Variants in CD8B2 observed in about 807,000 individuals in gnomAD.
CD8B2 encodes the protein CD8B family member 2, also known as T-cell surface glycoprotein CD8 beta-2 chain.
CD8B2 carries 11 observed loss-of-function variants against 23.7 expected under a neutral mutation model. The ratio of observed to expected loss-of-function variants is 0.46; its 90% CI spans 0.29 to 0.77. The LOEUF is 0.77. CD8B2 is among the 30% of genes least tolerant of loss of function. The pLI is 0.09. For synonymous variants in CD8B2, 90 were observed against 109.3 expected (o/e 0.82, Z 1.10); for missense variants, 197 against 270.5 (o/e 0.73, Z 1.91).
intron 5 of CD8B2, among the ~76,000 whole-genome samples, chr2:106,530,539 A>C (rs1000851816): frequency 6.6e-6 from 1 of 152,086 alleles, no homozygotes; most frequent in Non-Finnish European, 1.5e-5. Context: ...CTACCACGCC[A>C]GGCTAATTTT....
At position 106,508,609 on chromosome 2, in the gene CD8B2, G is replaced by A. The variant is rs1460089477; in HGVS notation, c.*1669G>A. 1 of 152,222 alleles carries A rather than the reference G, an allele frequency of 6.6e-6. No homozygotes were observed. Among genetic ancestry groups the A allele is most frequent in the Non-Finnish European group, 1.5e-5 (1 of 68,034 alleles). 9.4% of individuals were successfully genotyped at this position (152,222 alleles called of 1,614,324 possible). A position where few individuals can be genotyped will look rare whatever the true frequency, so the allele number is the denominator to read the frequency against. The stretch of plus-strand genomic sequence containing the variant: ...TGAGAAAGCACTCCACATGGTAGGA[G>A]TGGACCCTAAGCAGATAGCCCATGG... On this transcript the variant is annotated 3_prime_UTR_variant, in exon 6 of 6. Coordinates refer to ENST00000643224, the MANE Select transcript of CD8B2 (RefSeq NM_001349727.2).
In CD8B2 at chr2:106,524,754, G is replaced by A. The variant is rs548210810; in HGVS notation, c.621-19238G>A. 4.6e-5 allele frequency among the ~76,000 whole-genome samples: 7 copies of A among 152,256 alleles called. No individual in the cohort carries two copies. The South Asian group carries it at 1.0e-3, about 23-fold the overall frequency. On this transcript the variant is annotated intron_variant, in intron 5 of 5. Transcript: ENST00000416057. ...TCTGAGTGGAATTTCCGGCTGCTGC[G>A]CATTGTTATTTTTATTTTTGCCAGT...
At chr2:106,505,103 C>A (rs1212864464) in intron 5 of CD8B2, among the ~76,000 whole-genome samples, 1 of 152,180 alleles carries the variant, frequency 6.6e-6, no homozygotes, top group Non-Finnish European at 1.5e-5. Flanking sequence ...CCTGGTAGGG[C>A]AGTGACATTA....
rs1679576250 is a variant in CD8B2, at chr2:106,509,341, G to A, written c.*2401G>A. On this transcript the variant is annotated 3_prime_UTR_variant, in exon 6 of 6. Coordinates refer to ENST00000643224, the MANE Select transcript of CD8B2 (RefSeq NM_001349727.2). Reference sequence around the variant, plus strand: ...GTCAGCTGGACCAGACTCCTCTAGGGTTCGTGTTTCAGGTGGGCCCCTCAC... The same window carrying A: ...GTCAGCTGGACCAGACTCCTCTAGGATTCGTGTTTCAGGTGGGCCCCTCAC... 1 of 152,124 alleles carries A rather than the reference G, an allele frequency of 6.6e-6. No homozygotes were observed. Among genetic ancestry groups the A allele is most frequent in the African/African-American group, 2.4e-5 (1 of 41,424 alleles). 9.4% of individuals were successfully genotyped at this position (152,124 alleles called of 1,614,324 possible).
rs879639879 is a variant in CD8B2, at chr2:106,507,602, T to A, written c.*662T>A. 3.1e-6 allele frequency: 3 copies of A among 961,332 alleles called. No individual in the cohort carries two copies. The African/African-American group carries it at 5.3e-5, about 17-fold the overall frequency. 59.6% of individuals were successfully genotyped at this position (961,332 alleles called of 1,614,324 possible). A position where few individuals can be genotyped will look rare whatever the true frequency, so the allele number is the denominator to read the frequency against. ...TCCCATGGCTTAATGCTTCTTTCAT[T>A]TTCTGTTTGTTTTATACAAATGTCT... On this transcript the variant is annotated 3_prime_UTR_variant, in exon 6 of 6. Coordinates refer to ENST00000643224, the MANE Select transcript of CD8B2 (RefSeq NM_001349727.2).
chr2:106,505,410 T>C (rs1242155641), intron 5 of CD8B2, among the ~76,000 whole-genome samples: 4,769 of 152,108 alleles, frequency 0.031, 95 homozygotes, highest in African/African-American at 0.038. Context: ...AGTCACTTCA[T>C]GTCTCCAAGT....
At chr2:106,528,649 A>G (rs1363454611) in intron 5 of CD8B2, among the ~76,000 whole-genome samples, 1 of 152,248 alleles carries the variant, frequency 6.6e-6, no homozygotes, top group Non-Finnish European at 1.5e-5. Flanking sequence ...TAGCTCATGA[A>G]TAATTAAAGT....
chr2:106,542,487 A>C (rs185184585), intron 5 of CD8B2, among the ~76,000 whole-genome samples: 12 of 152,166 alleles, frequency 7.9e-5, no homozygotes, highest in Admixed American at 6.5e-4. Context: ...GATTTTCATT[A>C]ATGTGCATTT....
rs1288824425 is a variant in CD8B2, at chr2:106,505,760, T to C, written c.621-1168T>C. Among the ~76,000 whole-genome samples the C allele has an allele frequency of 3.3e-5, 5 of 152,338 alleles. No individual in the cohort carries two copies. The East Asian group carries it at 9.6e-4, about 29-fold the overall frequency. Reference sequence around the variant, plus strand: ...TTAATTGTGTACAATTTTCACCTTGTGTGTTGGATTTAGAAGCTGCCCCCT... The same window carrying C: ...TTAATTGTGTACAATTTTCACCTTGCGTGTTGGATTTAGAAGCTGCCCCCT... On this transcript the variant is annotated intron_variant, in intron 5 of 5. Transcript: ENST00000643224.
rs188178852 is a variant in CD8B2, at chr2:106,517,231, T to C, written c.620+12906T>C. Among the ~76,000 whole-genome samples the C allele has an allele frequency of 7.4e-4, 113 of 152,192 alleles. 2 individuals are homozygous for C. The East Asian group carries it at 0.021, about 29-fold the overall frequency. ...TCCTGCTTTTTCTGGAGAATAGTCT[T>C]GTTTTTCCACATTTTATCCCTTTGG... On this transcript the variant is annotated intron_variant, in intron 5 of 5. Transcript: ENST00000416057.
chr2:106,519,474 G>A (rs374034949), intron 5 of CD8B2, among the ~76,000 whole-genome samples: 1 of 152,178 alleles, frequency 6.6e-6, no homozygotes, highest in Admixed American at 6.5e-5. Flanking sequence ...GGTAATATAA[G>A]GGAAGCGCCT....
chr2:106,512,169 C>T (rs75199096), downstream of CD8B2, among the ~76,000 whole-genome samples: 3 of 151,926 alleles, frequency 2.0e-5, no homozygotes, highest in East Asian at 1.9e-4. Context: ...TCTGTCTCCC[C>T]GGCTCAAGCG....
chr2:106,496,087 C>G (rs78704169), intron 2 of CD8B2, 86 bp from the exon 3 acceptor site: 6 of 1,547,592 alleles, frequency 3.9e-6, no homozygotes, highest in Non-Finnish European at 3.5e-6. Flanking sequence ...CATGAGCCAC[C>G]GCACCCGGCC....
intron 5 of CD8B2, among the ~76,000 whole-genome samples, chr2:106,539,885 C>G (rs372560228): frequency 6.6e-6 from 1 of 152,188 alleles, no homozygotes; most frequent in African/African-American, 2.4e-5. Context: ...TCACTGTTCC[C>G]GTCACTGAAT....
chr2:106,541,275 GGTTA>G (rs1680169624), intron 5 of CD8B2, among the ~76,000 whole-genome samples: 1 of 152,110 alleles, frequency 6.6e-6, no homozygotes, highest in Non-Finnish European at 1.5e-5. Flanking sequence ...TCTTGTTGGT[GGTTA>G]GTGACCCCCT....
At position 106,496,959 on chromosome 2, in the gene CD8B2, T is replaced by G. The variant is rs182209292; in HGVS notation, c.493+697T>G. On this transcript the variant is annotated intron_variant, in intron 3 of 5. Transcript: ENST00000643224. ...AGCTGTTAACAAACAAAAAATCCAC[T>G]CAAAGGACCAGCACTTTAAACTTTT... is the stretch of plus-strand genomic sequence containing the variant. Among the ~76,000 whole-genome samples, 1,016 of 152,284 alleles carry G rather than the reference T, an allele frequency of 6.7e-3. 13 individuals are homozygous for G. Among genetic ancestry groups the G allele is most frequent in the African/African-American group, 0.023 (963 of 41,562 alleles).
At chr2:106,525,983 T>G (rs1464893529) in intron 5 of CD8B2, among the ~76,000 whole-genome samples, 2 of 152,228 alleles carry the variant, frequency 1.3e-5, no homozygotes, top group African/African-American at 4.8e-5. Flanking sequence ...GGCTTACGCC[T>G]GTAATTCCAG....
At chr2:106,536,368 T>A (rs907591611) in intron 5 of CD8B2, among the ~76,000 whole-genome samples, 6 of 152,230 alleles carry the variant, frequency 3.9e-5, no homozygotes, top group African/African-American at 1.4e-4. Flanking sequence ...TCCTGAGAAC[T>A]CTGCTACAAG....
intron 5 of CD8B2, among the ~76,000 whole-genome samples, chr2:106,540,843 G>T (rs1183394988): frequency 6.6e-6 from 1 of 152,144 alleles, no homozygotes; most frequent in Non-Finnish European, 1.5e-5. Context: ...GATTACAGGC[G>T]CAAGCCACTG....
Sources: allele counts gnomAD v4.1 joint callset (sites outside exome capture counted in the v4.1 genomes callset), GRCh38; gene constraint gnomAD v4.1.1; transcripts MANE v1.5; gene names NCBI Gene and HGNC (gene_info 2026-07-23, HGNC 2026-07-21).